Variants in MDGA2 observed in about 807,000 individuals in gnomAD.
MDGA2 encodes MAM domain-containing glycosylphosphatidylinositol anchor protein 2.
MDGA2 carries 40 observed loss-of-function variants against 117.8 expected under a neutral mutation model. That is an observed-to-expected ratio of 0.34 (90% CI 0.26 to 0.44). MDGA2 has a LOEUF of 0.44. Among genes scored for constraint, MDGA2 ranks in the 20% least tolerant of loss-of-function variants. MDGA2 has a pLI of 1.00. For missense variants in MDGA2, 1,123 were observed against 1,250.6 expected (o/e 0.90, Z 1.54); for synonymous variants, 452 against 439.0 (o/e 1.03, Z -0.37).
chr14:47,001,239 G>T (rs1887520805), intron 8 of MDGA2, among the ~76,000 whole-genome samples: 1 of 151,670 alleles, frequency 6.6e-6, no homozygotes, highest in South Asian at 2.1e-4. Flanking sequence ...ATATAGACAA[G>T]AAATCCAGCT....
intron 1 of MDGA2, among the ~76,000 whole-genome samples, chr14:47,612,401 G>A (rs1263027007): frequency 6.6e-6 from 1 of 152,046 alleles, no homozygotes; most frequent in Non-Finnish European, 1.5e-5. Context: ...ATAATAAGTT[G>A]TTATGTTTCT....
At chr14:47,640,023 G>A (rs1012118672) in intron 1 of MDGA2, among the ~76,000 whole-genome samples, 6 of 152,160 alleles carry the variant, frequency 3.9e-5, no homozygotes, top group African/African-American at 1.4e-4. Context: ...AAGTAAATGT[G>A]TAACTCTAGG....
chr14:46,897,941 G>T (rs1395777672), intron 10 of MDGA2, among the ~76,000 whole-genome samples: 2 of 151,796 alleles, frequency 1.3e-5, no homozygotes, highest in Non-Finnish European at 2.9e-5. Context: ...AGTAAAAAAT[G>T]AAATTATAAA....
At chr14:47,283,273 A>C (rs1321315808) in intron 2 of MDGA2, among the ~76,000 whole-genome samples, 1 of 152,218 alleles carries the variant, frequency 6.6e-6, no homozygotes, top group Admixed American at 6.5e-5. Context: ...TGGAATTTCA[A>C]TCAGTCCTCT....
intron 1 of MDGA2, among the ~76,000 whole-genome samples, chr14:47,400,959 G>A (rs951421294): frequency 1.3e-5 from 2 of 150,686 alleles, no homozygotes; most frequent in South Asian, 4.2e-4. Context: ...GGGTTTCACC[G>A]TGTTAGCCAG....
At chr14:47,101,957 T>G (rs2139005636) in intron 5 of MDGA2, among the ~76,000 whole-genome samples, 1 of 152,276 alleles carries the variant, frequency 6.6e-6, no homozygotes, top group South Asian at 2.1e-4. Flanking sequence ...GACACAAATA[T>G]TTAATTTGGG....
intron 1 of MDGA2, among the ~76,000 whole-genome samples, chr14:47,347,268 C>T (rs1222500453): frequency 2.6e-5 from 4 of 152,006 alleles, no homozygotes; most frequent in African/African-American, 9.7e-5. Context: ...TAGGGAAGAA[C>T]GTGTTAAGAA....
chr14:47,458,597 C>A (rs1285171127), intron 1 of MDGA2, among the ~76,000 whole-genome samples: 2 of 151,944 alleles, frequency 1.3e-5, no homozygotes, highest in African/African-American at 4.8e-5. Flanking sequence ...AGCATTGTGA[C>A]CATAGGTAAC....
intron 8 of MDGA2, among the ~76,000 whole-genome samples, chr14:46,962,205 A>C (rs960342692): frequency 1.3e-5 from 2 of 152,210 alleles, no homozygotes; most frequent in African/African-American, 4.8e-5. Flanking sequence ...TTGAATTATC[A>C]AGTGACTTGA....
At chr14:47,340,973 G>T (rs1890603559) in intron 1 of MDGA2, among the ~76,000 whole-genome samples, 1 of 152,078 alleles carries the variant, frequency 6.6e-6, no homozygotes, top group Non-Finnish European at 1.5e-5. Flanking sequence ...GATTCAGGTT[G>T]GTTGCTTGTA....
chr14:47,351,146 T>C (rs1281292406), intron 1 of MDGA2, among the ~76,000 whole-genome samples: 2 of 150,000 alleles, frequency 1.3e-5, no homozygotes, highest in African/African-American at 4.9e-5. Flanking sequence ...TGGCACGATC[T>C]TGTCTCACCC....
intron 3 of MDGA2, among the ~76,000 whole-genome samples, chr14:47,179,220 T>C (rs1409933140): frequency 3.3e-5 from 5 of 152,056 alleles, no homozygotes; most frequent in Non-Finnish European, 5.9e-5. Flanking sequence ...TACAATATTA[T>C]ATGGGGAGCC....
At chr14:47,173,565 G>A (rs1884284754) in intron 3 of MDGA2, among the ~76,000 whole-genome samples, 1 of 152,072 alleles carries the variant, frequency 6.6e-6, no homozygotes, top group Non-Finnish European at 1.5e-5. Flanking sequence ...CATAAGTGAA[G>A]GAGAAATAAA....
intron 1 of MDGA2, among the ~76,000 whole-genome samples, chr14:47,373,051 T>C (rs1180493103): frequency 1.3e-5 from 2 of 152,066 alleles, no homozygotes; most frequent in African/African-American, 4.8e-5. Context: ...TGATACATTT[T>C]GCACTTGTAT....
chr14:47,102,497 G>T (rs1405577840), intron 5 of MDGA2, among the ~76,000 whole-genome samples: 1 of 152,022 alleles, frequency 6.6e-6, no homozygotes, highest in Admixed American at 6.6e-5. Flanking sequence ...TTTGAAAGCA[G>T]GTCCTGGCAC....
intron 8 of MDGA2, among the ~76,000 whole-genome samples, chr14:46,964,782 G>C (rs935669127): frequency 2.0e-5 from 3 of 151,942 alleles, no homozygotes. Flanking sequence ...AGTTATATTT[G>C]TATTTGCCTA....
At chr14:47,503,374 C>A (rs1476622849) in intron 1 of MDGA2, among the ~76,000 whole-genome samples, 1 of 147,990 alleles carries the variant, frequency 6.8e-6, no homozygotes, top group African/African-American at 2.5e-5. Context: ...ATATGATTAG[C>A]AAAATTAATT....
chr14:46,849,924 A>G (rs906411279), intron 15 of MDGA2, among the ~76,000 whole-genome samples: 1 of 151,908 alleles, frequency 6.6e-6, no homozygotes, highest in Non-Finnish European at 1.5e-5. Context: ...CTAGGTACCC[A>G]TGGAGAAAAT....
At chr14:47,251,573 C>G (rs1425513787) in intron 2 of MDGA2, among the ~76,000 whole-genome samples, 1 of 152,080 alleles carries the variant, frequency 6.6e-6, no homozygotes, top group African/African-American at 2.4e-5. Context: ...GATGAATAAA[C>G]CATCGTACAA....
Sources: allele counts gnomAD v4.1 joint callset (sites outside exome capture counted in the v4.1 genomes callset), GRCh38; gene constraint gnomAD v4.1.1; transcripts MANE v1.5; gene names NCBI Gene and HGNC (gene_info 2026-07-23, HGNC 2026-07-21).